IL20RA: variants seen among roughly 807,000 people sequenced by gnomAD.
IL20RA encodes the protein interleukin-20 receptor subunit alpha.
A neutral mutation model predicts 36.5 loss-of-function variants in IL20RA; 29 were observed. The ratio of observed to expected loss-of-function variants is 0.79; its 90% CI spans 0.59 to 1.08. The LOEUF is 1.08. Ranked by LOEUF, IL20RA falls within the 50% of genes least tolerant of loss-of-function variation. The probability of loss-of-function intolerance (pLI) is 0.00; values close to 1 mark genes in which losing one functional copy is unlikely to be tolerated. For missense variants in IL20RA, 652 were observed against 668.4 expected (o/e 0.98, Z 0.27); for synonymous variants, 279 against 267.1 (o/e 1.04, Z -0.43).
chr6:137,014,717 C>T (rs984974791), intron 2 of IL20RA, among the ~76,000 whole-genome samples: 1 of 151,936 alleles, frequency 6.6e-6, no homozygotes, highest in African/African-American at 2.4e-5. Context: ...CCCTTTTCCA[C>T]CTTATATTAT....
rs1775209276 is a variant in IL20RA, at chr6:137,004,614, T to C, written c.864+7A>G. 1 of 1,613,454 alleles carries C rather than the reference T, an allele frequency of 6.2e-7. No homozygotes were observed. Among genetic ancestry groups the C allele is most frequent in the Non-Finnish European group, 8.5e-7 (1 of 1,179,502 alleles). ...TAATAAAGAACCCTGCCACACCAAG[T>C]ACTCACCAAATTTGCTGGGTGTTTC... is the stretch of plus-strand genomic sequence containing the variant. On this transcript the variant is annotated splice_region_variant and intron_variant, in intron 6 of 6. Transcript: ENST00000316649.
At chr6:137,038,380 T>A (rs1156368949) in intron 1 of IL20RA, among the ~76,000 whole-genome samples, 1 of 151,726 alleles carries the variant, frequency 6.6e-6, no homozygotes, top group Non-Finnish European at 1.5e-5. Flanking sequence ...TTTTTTGAAA[T>A]TTTTTTGTAG....
intron 1 of IL20RA, among the ~76,000 whole-genome samples, chr6:137,020,502 A>C (rs1775856825): frequency 9.8e-6 from 1 of 102,374 alleles, no homozygotes; most frequent in Non-Finnish European, 2.3e-5. Context: ...AAAAAAAAAA[A>C]ACCCCTCCAT....
chr6:137,028,016 C>G (rs1438840573), intron 1 of IL20RA, among the ~76,000 whole-genome samples: 1 of 152,180 alleles, frequency 6.6e-6, no homozygotes, highest in African/African-American at 2.4e-5. Context: ...TTAAGCTTTT[C>G]CTGGTGGAAC....
rs752578754 is a variant in IL20RA at position 137,008,677 on chromosome 6, C to T, written c.646G>A (p.Val216Ile). The T allele has an allele frequency of 1.7e-5, 27 of 1,608,816 alleles. No individual in the cohort carries two copies. The highest frequency in any genetic ancestry group is 5.3e-5 in the African/African-American group (4 of 74,770). The change falls in exon 5 of 7, where the codon GTA becomes ATA. Residue 216 changes from valine to isoleucine, a missense_variant. Val to Ile is a conservative substitution (Grantham distance 29). Transcript: ENST00000316649. ...TWLEPNTLYC[V>I]HVESFVPGPP... ...CCTGGGACGAAGGACTCCACGTGTA[C>T]GCAGTAAAGAGTGTTCGGCTCCAGC...
At chr6:137,002,952 G>A (rs544910934) in intron 6 of IL20RA, among the ~76,000 whole-genome samples, 20 of 152,150 alleles carry the variant, frequency 1.3e-4, no homozygotes, top group African/African-American at 3.6e-4. Context: ...GCCAGTTTAC[G>A]GTAGACAGAG....
Position 137,002,013 on chromosome 6 carries a change from A to G in IL20RA, c.1207T>C (p.Tyr403His). The change falls in exon 7 of 7, where the codon TAT becomes CAT. Residue 403 changes from tyrosine to histidine, a missense_variant. Tyr to His is a moderately conservative substitution (Grantham distance 83, BLOSUM62 2). Coordinates refer to ENST00000316649, the MANE Select transcript of IL20RA (RefSeq NM_014432.4). ...PPDKTVIEYE[Y>H]DVRTTDICAG... ...CAAATGTCAGTGGTTCTGACATCATATTCATATTCAATGACTGTTTTATCC... is the reference window on the plus strand; with the variant it reads ...CAAATGTCAGTGGTTCTGACATCATGTTCATATTCAATGACTGTTTTATCC... 6.2e-7 allele frequency: 1 copy of G among 1,614,148 alleles called. No individual in the cohort carries two copies. The highest frequency in any genetic ancestry group is 8.5e-7 in the Non-Finnish European group (1 of 1,180,030).
intron 1 of IL20RA, among the ~76,000 whole-genome samples, chr6:137,026,022 A>C (rs1776076150): frequency 6.6e-6 from 1 of 152,212 alleles, no homozygotes; most frequent in African/African-American, 2.4e-5. Flanking sequence ...ATCAGTACAG[A>C]AAGCAAACAA....
At chr6:137,020,202 C>T (rs1775846494) in intron 1 of IL20RA, among the ~76,000 whole-genome samples, 1 of 152,146 alleles carries the variant, frequency 6.6e-6, no homozygotes, top group Non-Finnish European at 1.5e-5. Context: ...CTGAGTGAAG[C>T]CTCCTGCCAA....
Position 137,001,464 on chromosome 6 carries a change from A to G in IL20RA, c.*94T>C. On this transcript the variant is annotated 3_prime_UTR_variant, in exon 7 of 7. Transcript: ENST00000316649. ...TCTCACAGACACTGACAAACTGGAA[A>G]AAACTTCTTTCATCCCAGGTACTTT... 8.3e-7 allele frequency: 1 copy of G among 1,205,428 alleles called. No individual in the cohort carries two copies. The highest frequency in any genetic ancestry group is 1.6e-5 in the South Asian group (1 of 61,872). 74.7% of individuals were successfully genotyped at this position (1,205,428 alleles called of 1,614,324 possible). A position where few individuals can be genotyped will look rare whatever the true frequency, so the allele number is the denominator to read the frequency against.
At chr6:137,016,680 A>G (rs1014138410) in intron 2 of IL20RA, among the ~76,000 whole-genome samples, 14 of 152,152 alleles carry the variant, frequency 9.2e-5, no homozygotes, top group African/African-American at 3.4e-4. Flanking sequence ...TTTCAAGATG[A>G]TGGATTGCCT....
chr6:137,002,697 A>T (rs1482375765), intron 6 of IL20RA, among the ~76,000 whole-genome samples: 1 of 152,238 alleles, frequency 6.6e-6, no homozygotes, highest in Non-Finnish European at 1.5e-5. Flanking sequence ...AATCTCAGCC[A>T]CATGAAGAGT....
chr6:137,001,226 T>C lies in IL20RA; in HGVS notation c.*332A>G, dbSNP rs1775021388. The C allele has an allele frequency of 5.0e-6, 1 of 199,510 alleles. No homozygotes were observed. 12.4% of individuals were successfully genotyped at this position (199,510 alleles called of 1,614,324 possible). A position where few individuals can be genotyped will look rare whatever the true frequency, so the allele number is the denominator to read the frequency against. On this transcript the variant is annotated 3_prime_UTR_variant, in exon 7 of 7. Coordinates refer to ENST00000316649, the MANE Select transcript of IL20RA (RefSeq NM_014432.4). ...AGTACCCAGAAAATAATTGTACAAG[T>C]GTGCTTGTTTGAAAATAATGAACCA...
At chr6:137,010,467 C>T (rs1363160025) in intron 3 of IL20RA, among the ~76,000 whole-genome samples, 1 of 149,958 alleles carries the variant, frequency 6.7e-6, no homozygotes, top group African/African-American at 2.4e-5. Flanking sequence ...CCATTCTTAA[C>T]TCTTGGCTTG....
At chr6:137,016,936 T>A (rs1309242498) in intron 2 of IL20RA, 32 bp downstream of exon 2, 1 of 1,602,700 alleles carries the variant, frequency 6.2e-7, no homozygotes, top group Non-Finnish European at 8.5e-7. Flanking sequence ...CTTGTGTTTG[T>A]AAGCTAGCCA....
intron 1 of IL20RA, chr6:137,044,362 C>A: frequency 4.8e-6 from 5 of 1,039,816 alleles, no homozygotes; most frequent in Non-Finnish European, 5.9e-6. Context: ...CCACCGAACT[C>A]CCCCCACCCC....
rs185532403 is a variant in IL20RA, at chr6:137,035,942, A to G, written c.88+8699T>C. ...ACATATGAAAATGGTCTTTGTTGGA[A>G]CAAGGGAGAGGATTTCTCAGGGCAA... On this transcript the variant is annotated intron_variant, in intron 1 of 6. Coordinates refer to ENST00000316649, the MANE Select transcript of IL20RA (RefSeq NM_014432.4). Among the ~76,000 whole-genome samples, 571 of 152,336 alleles carry G rather than the reference A, an allele frequency of 3.7e-3. 1 individual carries two copies. The highest frequency in any genetic ancestry group is 5.9e-3 in the Non-Finnish European group (402 of 68,032).
At chr6:137,006,320 C>T (rs1318031415) in intron 5 of IL20RA, among the ~76,000 whole-genome samples, 1 of 152,210 alleles carries the variant, frequency 6.6e-6, no homozygotes, top group East Asian at 1.9e-4. Flanking sequence ...CACCAGGTTC[C>T]ACACAGAGAC....
chr6:137,021,948 C>T (rs1775923457), intron 1 of IL20RA, among the ~76,000 whole-genome samples: 1 of 152,068 alleles, frequency 6.6e-6, no homozygotes, highest in Non-Finnish European at 1.5e-5. Flanking sequence ...GATGAGGAAA[C>T]TGAGGCACAG....
Sources: allele counts gnomAD v4.1 joint callset (sites outside exome capture counted in the v4.1 genomes callset), GRCh38; gene constraint gnomAD v4.1.1; transcripts MANE v1.5; gene names NCBI Gene and HGNC (gene_info 2026-07-23, HGNC 2026-07-21).